The following ABCA5 variants were observed in gnomAD, a reference collection of about 807,000 sequenced individuals.
ABCA5 encodes the protein ATP binding cassette subfamily A member 5, also known as cholesterol transporter ABCA5.
Under a neutral mutation model 206.0 loss-of-function variants are expected in ABCA5, and 163 were observed. The ratio of observed to expected loss-of-function variants is 0.79; its 90% CI spans 0.70 to 0.90. ABCA5 has a LOEUF of 0.90. Ranked by LOEUF, ABCA5 falls within the 40% of genes least tolerant of loss-of-function variation. The pLI, the probability that ABCA5 is intolerant of heterozygous loss-of-function variation, is 0.00. For synonymous variants in ABCA5, 609 were observed against 613.8 expected (o/e 0.99, Z 0.11); for missense variants, 1,859 against 1,912.9 (o/e 0.97, Z 0.53).
chr17:69,268,078 A>C (rs749920046), intron 22 of ABCA5, 22 bp from the exon 23 acceptor site: 1 of 1,085,580 alleles, frequency 9.2e-7, no homozygotes, highest in Non-Finnish European at 1.4e-6. Context: ...CCACAGAGTA[A>C]CAAATGGAAC....
chr17:69,283,867 A>G, intron 18 of ABCA5, 86 bp downstream of exon 18: 1 of 1,344,150 alleles, frequency 7.4e-7, no homozygotes, highest in Middle Eastern at 2.7e-4. Context: ...TCTAAAAAAA[A>G]TATAAAATTA....
rs866299423 is a variant in ABCA5, at chr17:69,268,182, C to G, written c.3031-126G>C. On this transcript the variant is annotated intron_variant, in intron 22 of 38. Coordinates refer to ENST00000392676, the MANE Select transcript of ABCA5 (RefSeq NM_172232.4). ...AGAAAGAATGTATTAGAATATCTAA[C>G]CCAGGCATAGTCTACATGAAAGAAT... 8.3e-5 allele frequency: 46 copies of G among 550,992 alleles called. No individual in the cohort carries two copies. In the Middle Eastern group the frequency reaches 2.9e-3, roughly 35 times the overall value. The allele number at this position is 550,992 out of a possible 1,614,324, so 34.1% of individuals were successfully genotyped here.
intron 4 of ABCA5, 67 bp downstream of exon 4, chr17:69,309,195 A>C: frequency 7.7e-7 from 1 of 1,303,056 alleles, no homozygotes; most frequent in Non-Finnish European, 1.0e-6. Context: ...TAAAATTTTG[A>C]CTATGAACTG....
In ABCA5 at chr17:69,249,988, GA is replaced by G. The variant is rs754434272; in HGVS notation, c.4686-5del. 3.4e-6 allele frequency: 5 copies of G among 1,456,102 alleles called. No homozygotes were observed. The highest frequency in any genetic ancestry group is 1.4e-5 in the African/African-American group (1 of 69,812). 90.2% of individuals were successfully genotyped at this position (1,456,102 alleles called of 1,614,324 possible). On this transcript the variant is annotated splice_polypyrimidine_tract_variant and splice_region_variant and intron_variant, in intron 36 of 38. Transcript: ENST00000392676. ...ATAAGCCAAAATAGAAGAAAAACTG[GA>G]AAAAAAGATAAAATATGGAAAAAAA...
intron 18 of ABCA5, among the ~76,000 whole-genome samples, chr17:69,281,871 T>C (rs1196332596): frequency 1.3e-5 from 2 of 152,214 alleles, no homozygotes. Flanking sequence ...ACAATGATTT[T>C]AATCATCACC....
At chr17:69,313,371 A>T (rs1315897925) in intron 2 of ABCA5, 75 bp from the exon 3 acceptor site, 1 of 648,706 alleles carries the variant, frequency 1.5e-6, no homozygotes, top group Non-Finnish European at 2.4e-6. Context: ...TTGGCAAATA[A>T]TATAATACTA....
At position 69,247,288 on chromosome 17, in the gene ABCA5, AAAG is replaced by A. The variant is rs2074961636; in HGVS notation, c.*246_*248del. 3.6e-6 allele frequency: 1 copy of A among 279,330 alleles called. No individual in the cohort carries two copies. Among genetic ancestry groups the A allele is most frequent in the Non-Finnish European group, 6.6e-6 (1 of 151,026 alleles). The allele number at this position is 279,330 out of a possible 1,614,324, so 17.3% of individuals were successfully genotyped here. The stretch of plus-strand genomic sequence containing the variant: ...AGAAGCACTGTTTCTGAATGGTGAA[AAAG>A]ATGACATACAAACTATATAGTTCAA... On this transcript the variant is annotated 3_prime_UTR_variant, in exon 39 of 39. Coordinates refer to ENST00000392676, the MANE Select transcript of ABCA5 (RefSeq NM_172232.4).
chr17:69,285,970 C>T lies in ABCA5; in HGVS notation c.2200G>A (p.Ala734Thr). 6.2e-7 allele frequency: 1 copy of T among 1,613,094 alleles called. No individual in the cohort carries two copies. The highest frequency in any genetic ancestry group is 8.5e-7 in the Non-Finnish European group (1 of 1,179,456). ...SSLVKQHIPG[A>T]TLLQQNDQQL... is the part of the protein sequence containing the mutation. ...TGGTCATTCTGTTGTAATAAAGTAG[C>T]TCCAGGTATATGTTGTTTAACCAGT... Residue 734 changes from alanine (A) to threonine (T), a missense_variant, in exon 17 of 39, where the codon GCT (alanine) becomes ACT (threonine). By Grantham distance (58) the Ala-to-Thr change is moderately conservative (BLOSUM62 0). Transcript: ENST00000392676.
Position 69,287,605 on chromosome 17 carries a change from A to C in ABCA5, c.2041+8T>G, listed in dbSNP as rs374274904. 1 of 1,606,002 alleles carries C rather than the reference A, an allele frequency of 6.2e-7. No homozygotes were observed. Among genetic ancestry groups the C allele is most frequent in the African/African-American group, 1.3e-5 (1 of 74,424 alleles). ...TCTCAGCCTTCGAAAATAAAACAAA[A>C]ATCTCACCTGCAAGAATGTCAGCTT... On this transcript the variant is annotated splice_region_variant and intron_variant, in intron 15 of 38. Transcript: ENST00000392676.
chr17:69,250,659 T>C (rs758367117), intron 35 of ABCA5, 38 bp from the exon 36 acceptor site: 2 of 1,461,916 alleles, frequency 1.4e-6, no homozygotes, highest in Non-Finnish European at 1.8e-6. Context: ...AGATATAAAA[T>C]GACAGCTTCA....
In ABCA5 at chr17:69,285,887, G is replaced by A. The variant is rs1327715827; in HGVS notation, c.2272+11C>T. On this transcript the variant is annotated intron_variant, in intron 17 of 38. Transcript: ENST00000392676. ...CAGTTCAAACACCAAGAGACTTAAA[G>A]TAAGTAATACCTGAAAATTTGTCCA... 1.2e-6 allele frequency: 2 copies of A among 1,606,828 alleles called. No individual in the cohort carries two copies. The highest frequency in any genetic ancestry group is 1.7e-6 in the Non-Finnish European group (2 of 1,177,212).
At chr17:69,249,378 A>G (rs2074986688) in intron 37 of ABCA5, 1 of 152,468 alleles carries the variant, frequency 6.6e-6, no homozygotes, top group South Asian at 2.1e-4. Context: ...TATTTTTTAA[A>G]TGCCAAGATT....
chr17:69,263,718 A>G (rs1194300919), intron 24 of ABCA5, among the ~76,000 whole-genome samples: 1 of 12,894 alleles, frequency 7.8e-5, no homozygotes, highest in Non-Finnish European at 2.0e-4. Flanking sequence ...TTTTTTTGAT[A>G]AAAAGTCTCT....
intron 11 of ABCA5, among the ~76,000 whole-genome samples, chr17:69,291,691 T>G (rs2075527748): frequency 6.6e-6 from 1 of 152,122 alleles, no homozygotes. Context: ...AACAAGAAAT[T>G]AACCAATAGC....
chr17:69,298,233 A>AGGT lies in ABCA5; in HGVS notation c.1268-875_1268-874insACC, dbSNP rs1567774476. ...GTCGGAAGGAAGGAAGGTAGGTAGGAAGGAAGGAAGGAAGGAAGGAAGGAA... is the reference window on the plus strand; with the variant it reads ...GTCGGAAGGAAGGAAGGTAGGTAGGAGGTAGGAAGGAAGGAAGGAAGGAAGGAA... On this transcript the variant is annotated intron_variant, in intron 9 of 38. Transcript: ENST00000392676. Among the ~76,000 whole-genome samples, 111 of 68,120 alleles carry AGGT rather than the reference A, an allele frequency of 1.6e-3. 4 individuals carry two copies. Among genetic ancestry groups the AGGT allele is most frequent in the East Asian group, 4.9e-3 (11 of 2,234 alleles). 44.7% of individuals were successfully genotyped at this position (68,120 alleles called of 152,430 possible).
At chr17:69,263,697 C>CTTTTTTTTTTTTTTTTTTTTTTTTT (rs58369537) in intron 24 of ABCA5, among the ~76,000 whole-genome samples, 17 of 103,670 alleles carry the variant, frequency 1.6e-4, no homozygotes, top group African/African-American at 7.0e-4. Context: ...ACATGGATTC[C>CTTTTTTTTTTTTTTTTTTTTTTTTT]TTTTTTTTTT....
rs776237183 is a variant in ABCA5 at position 69,253,632 on chromosome 17, C to A, written c.4356G>T (p.Gln1452His). The change falls in exon 34 of 39, where the codon CAG (glutamine) becomes CAT (histidine). Residue 1452 changes from glutamine (Q) to histidine (H), a missense_variant. Transcript: ENST00000392676. ...CFALSMLGNP[Q>H]ITLLDEPSTG... ...TAGATGGTTCATCTAGCAAAGTAAT[C>A]TGAGGATTCCCTAGCATACTTAGAG... 7 of 1,613,738 alleles carry A rather than the reference C, an allele frequency of 4.3e-6. No homozygotes were observed. Among genetic ancestry groups the A allele is most frequent in the Non-Finnish European group, 5.9e-6 (7 of 1,179,854 alleles).
At chr17:69,308,237 TA>T in intron 5 of ABCA5, 42 bp downstream of exon 5, 1 of 1,290,742 alleles carries the variant, frequency 7.7e-7, no homozygotes, top group Non-Finnish European at 1.1e-6. Flanking sequence ...ATATTTATTT[TA>T]AAATGGCATA....
intron 35 of ABCA5, chr17:69,251,035 G>C (rs1165003930): frequency 6.5e-6 from 1 of 154,820 alleles, no homozygotes; most frequent in East Asian, 1.9e-4. Context: ...GTTTTGAGAA[G>C]TACTGGTCAG....
Sources: allele counts gnomAD v4.1 joint callset (sites outside exome capture counted in the v4.1 genomes callset), GRCh38; gene constraint gnomAD v4.1.1; transcripts MANE v1.5; gene names NCBI Gene and HGNC (gene_info 2026-07-23, HGNC 2026-07-21).